KLF12: variants seen among roughly 807,000 people sequenced by gnomAD.
KLF12 encodes the protein KLF transcription factor 12.
In KLF12, 9 loss-of-function variants were observed where a neutral mutation model predicts 37.8. The ratio of observed to expected loss-of-function variants is 0.24; its 90% CI spans 0.14 to 0.42. KLF12 has a LOEUF of 0.42. Among genes scored for constraint, KLF12 ranks in the 10% least tolerant of loss-of-function variants. The pLI is 1.00. For missense variants in KLF12, 411 were observed against 516.0 expected (o/e 0.80, Z 1.97); for synonymous variants, 208 against 202.1 (o/e 1.03, Z -0.25).
At chr13:74,154,240 A>AC in the KLF12 span, among the ~76,000 whole-genome samples, 1 of 151,896 alleles carries the variant, frequency 6.6e-6, no homozygotes, top group Non-Finnish European at 1.5e-5. Flanking sequence ...TCTCAAAAAA[A>AC]AAATACTATT....
the KLF12 span, among the ~76,000 whole-genome samples, chr13:74,140,214 T>C: frequency 6.6e-6 from 1 of 152,342 alleles, no homozygotes; most frequent in East Asian, 1.9e-4. Context: ...TGTCAAATTA[T>C]TTTTCAAAAG....
chr13:73,827,811 C>T (rs1883934314), intron 4 of KLF12, among the ~76,000 whole-genome samples: 1 of 152,154 alleles, frequency 6.6e-6, no homozygotes, highest in African/African-American at 2.4e-5. Flanking sequence ...GATCCGCCTG[C>T]CTCAGCATCC....
At chr13:73,955,954 C>T (rs965967783) in intron 2 of KLF12, among the ~76,000 whole-genome samples, 1 of 152,186 alleles carries the variant, frequency 6.6e-6, no homozygotes, top group Non-Finnish European at 1.5e-5. Flanking sequence ...CACATTTTAC[C>T]AACCATGCTT....
At chr13:73,919,662 A>T (rs1291087570) in intron 3 of KLF12, among the ~76,000 whole-genome samples, 1 of 152,204 alleles carries the variant, frequency 6.6e-6, no homozygotes, top group East Asian at 1.9e-4. Context: ...CTATATCATT[A>T]ACATTGCACG....
At chr13:73,908,519 T>C (rs898353578) in intron 3 of KLF12, among the ~76,000 whole-genome samples, 1 of 151,150 alleles carries the variant, frequency 6.6e-6, no homozygotes, top group African/African-American at 2.4e-5. Flanking sequence ...TTCGCTCCGT[T>C]GCCCAGGCTG....
At chr13:73,766,657 C>T (rs968900348) in intron 5 of KLF12, among the ~76,000 whole-genome samples, 31 of 152,140 alleles carry the variant, frequency 2.0e-4, no homozygotes, top group African/African-American at 7.5e-4. Context: ...CCCAAATACT[C>T]ACAGTTCTTT....
chr13:73,950,918 T>C (rs1192107413), intron 2 of KLF12, among the ~76,000 whole-genome samples: 1 of 152,080 alleles, frequency 6.6e-6, no homozygotes, highest in Non-Finnish European at 1.5e-5. Context: ...AGTCCAGAGC[T>C]AGGAAACAGG....
chr13:73,789,732 G>A (rs890361444), intron 5 of KLF12, among the ~76,000 whole-genome samples: 8 of 150,852 alleles, frequency 5.3e-5, no homozygotes, highest in African/African-American at 9.8e-5. Context: ...GCTGGAGTGC[G>A]GTGGTGCCAT....
chr13:73,917,158 A>T (rs1289664957), intron 3 of KLF12, among the ~76,000 whole-genome samples: 1 of 152,240 alleles, frequency 6.6e-6, no homozygotes, highest in Non-Finnish European at 1.5e-5. Flanking sequence ...CTGCCTTAAA[A>T]GGAAACATTC....
the KLF12 span, among the ~76,000 whole-genome samples, chr13:74,193,973 T>C: frequency 1.3e-5 from 2 of 152,224 alleles, no homozygotes; most frequent in African/African-American, 4.8e-5. Context: ...GATGGTGATC[T>C]TTTGTTTTGC....
intron 4 of KLF12, among the ~76,000 whole-genome samples, chr13:73,825,025 C>T (rs1293998344): frequency 6.6e-6 from 1 of 151,704 alleles, no homozygotes; most frequent in African/African-American, 2.4e-5. Flanking sequence ...GCTGAGATTG[C>T]ACCATTGCAT....
At chr13:73,707,986 T>C (rs1875078637) in intron 7 of KLF12, among the ~76,000 whole-genome samples, 1 of 152,128 alleles carries the variant, frequency 6.6e-6, no homozygotes, top group East Asian at 1.9e-4. Flanking sequence ...TGTAATCAAA[T>C]ATAATTAATG....
intron 2 of KLF12, among the ~76,000 whole-genome samples, chr13:73,989,537 G>C (rs1360569893): frequency 6.6e-6 from 1 of 152,174 alleles, no homozygotes; most frequent in East Asian, 1.9e-4. Context: ...AAGGAAGGAA[G>C]ACAGGAGCCC....
chr13:73,979,354 AACACACACACACACACAC>A (rs71115629), intron 2 of KLF12, among the ~76,000 whole-genome samples: 108 of 139,704 alleles, frequency 7.7e-4, no homozygotes, highest in Non-Finnish European at 1.3e-3. Context: ...TCTGCTTTTA[AACACACACACACACACAC>A]ACACACACAC....
chr13:73,761,846 T>C (rs1020223205), intron 6 of KLF12, among the ~76,000 whole-genome samples: 5 of 152,098 alleles, frequency 3.3e-5, no homozygotes, highest in African/African-American at 1.2e-4. Flanking sequence ...CTCACTTCCA[T>C]TTAGGGACAA....
chr13:73,825,262 G>A (rs1883773051), intron 4 of KLF12, among the ~76,000 whole-genome samples: 3 of 152,108 alleles, frequency 2.0e-5, no homozygotes, highest in African/African-American at 7.2e-5. Flanking sequence ...CCACTGCATT[G>A]GAGTTTGTTT....
chr13:73,887,171 T>C (rs1887270182), intron 3 of KLF12, among the ~76,000 whole-genome samples: 1 of 152,170 alleles, frequency 6.6e-6, no homozygotes, highest in South Asian at 2.1e-4. Context: ...CAAATATAAC[T>C]GCCTAATTTT....
chr13:73,740,520 T>A (rs2137886602), intron 6 of KLF12, among the ~76,000 whole-genome samples: 1 of 152,338 alleles, frequency 6.6e-6, no homozygotes, highest in South Asian at 2.1e-4. Context: ...TTTTTATTTT[T>A]AAATAGAGAT....
chr13:73,951,134 T>C (rs1425642919), intron 2 of KLF12, among the ~76,000 whole-genome samples: 1 of 152,244 alleles, frequency 6.6e-6, no homozygotes, highest in Non-Finnish European at 1.5e-5. Flanking sequence ...TTACAAATTA[T>C]GATAACAGTT....
Sources: allele counts gnomAD v4.1 joint callset (sites outside exome capture counted in the v4.1 genomes callset), GRCh38; gene constraint gnomAD v4.1.1; transcripts MANE v1.5; gene names NCBI Gene and HGNC (gene_info 2026-07-23, HGNC 2026-07-21).